The following TDRD9 variants were observed in gnomAD, a reference collection of about 807,000 sequenced individuals.
TDRD9 encodes the protein ATP-dependent RNA helicase TDRD9.
Under a neutral mutation model 172.6 loss-of-function variants are expected in TDRD9, and 124 were observed. The ratio of observed to expected loss-of-function variants is 0.72; its 90% CI spans 0.62 to 0.83. TDRD9 has a LOEUF of 0.83. Ranked by LOEUF, TDRD9 falls within the 40% of genes least tolerant of loss-of-function variation. The probability of loss-of-function intolerance (pLI) is 0.00; values close to 1 mark genes in which losing one functional copy is unlikely to be tolerated. For synonymous variants in TDRD9, 619 were observed against 617.1 expected (o/e 1.00, Z -0.05); for missense variants, 1,479 against 1,714.1 (o/e 0.86, Z 2.42).
rs1595883414 is a variant in TDRD9, at chr14:103,928,500, G to A, written c.-10G>A. ...GGCAGTTGGGGGATGCCGACGCCTG[G>A]GCCTTGAGGATGCTGCGGAAGCTCA... On this transcript the variant is annotated 5_prime_UTR_variant, in exon 1 of 36. Coordinates refer to ENST00000409874, the MANE Select transcript of TDRD9 (RefSeq NM_153046.3). 1 of 1,429,236 alleles carries A rather than the reference G, an allele frequency of 7.0e-7. No homozygotes were observed. The highest frequency in any genetic ancestry group is 2.7e-5 in the Admixed American group (1 of 37,232). 88.5% of individuals were successfully genotyped at this position (1,429,236 alleles called of 1,614,324 possible).
At chr14:103,976,433 C>A (rs930508092) in intron 7 of TDRD9, among the ~76,000 whole-genome samples, 4 of 152,108 alleles carry the variant, frequency 2.6e-5, no homozygotes, top group African/African-American at 9.7e-5. Context: ...GCCACCATGC[C>A]TGGCTAATTT....
At position 104,034,183 on chromosome 14, in the gene TDRD9, CTTTTTTTTTCTTTTT is replaced by C. The variant is rs1467741997; in HGVS notation, c.3619+124_3619+138del. On this transcript the variant is annotated intron_variant, in intron 31 of 35. Coordinates refer to ENST00000409874, the MANE Select transcript of TDRD9 (RefSeq NM_153046.3). Reference sequence around the variant, plus strand: ...GAACAAGTCTACACTATGTACTATTCTTTTTTTTTCTTTTTTTTTTTTTTTGAGACAGAGTCTTGC... The same window carrying C: ...GAACAAGTCTACACTATGTACTATTCTTTTTTTTTTGAGACAGAGTCTTGC... 82 of 218,054 alleles carry C rather than the reference CTTTTTTTTTCTTTTT, an allele frequency of 3.8e-4. 2 individuals carry two copies. Among genetic ancestry groups the C allele is most frequent in the Non-Finnish European group, 3.9e-4 (48 of 123,280 alleles). 13.5% of individuals were successfully genotyped at this position (218,054 alleles called of 1,614,324 possible).
At chr14:103,975,643 C>T (rs372810470) in intron 7 of TDRD9, 90 bp downstream of exon 7, 632 of 1,281,060 alleles carry the variant, frequency 4.9e-4, no homozygotes, top group Non-Finnish European at 5.6e-4. Flanking sequence ...TAAGGCCCTG[C>T]GAGAAAATTA....
chr14:103,932,626 A>AT (rs2152113648), intron 1 of TDRD9, among the ~76,000 whole-genome samples: 1 of 151,616 alleles, frequency 6.6e-6, no homozygotes, highest in East Asian at 2.0e-4. Context: ...TGGCCTCGTG[A>AT]TCTGCCTGCC....
intron 14 of TDRD9, 89 bp from the exon 15 acceptor site, chr14:104,005,185 C>T: frequency 7.2e-7 from 1 of 1,393,328 alleles, no homozygotes; most frequent in Non-Finnish European, 1.0e-6. Flanking sequence ...CTTCTCTCCT[C>T]CTCTTTCCCT....
rs577087391 is a variant in TDRD9 at position 103,950,145 on chromosome 14, C to G, written c.216-5519C>G. On this transcript the variant is annotated intron_variant, in intron 1 of 35. Coordinates refer to ENST00000409874, the MANE Select transcript of TDRD9 (RefSeq NM_153046.3). ...GCTCTTGTTGCCCAGGCTGGAGTGC[C>G]GTGGCGCAATCTCAGCTCACCGCAA... is the stretch of plus-strand genomic sequence containing the variant. Among the ~76,000 whole-genome samples the G allele has an allele frequency of 5.5e-4, 76 of 139,214 alleles. 1 individual carries two copies. In the South Asian group the frequency reaches 0.017, roughly 30 times the overall value. 91.3% of individuals were successfully genotyped at this position (139,214 alleles called of 152,430 possible).
rs2033976428 is a variant in TDRD9 at position 103,994,255 on chromosome 14, C to T, written c.1181-77C>T. 4 of 1,254,264 alleles carry T rather than the reference C, an allele frequency of 3.2e-6. No individual in the cohort carries two copies. The Admixed American group carries it at 5.3e-5, about 17-fold the overall frequency. 77.7% of individuals were successfully genotyped at this position (1,254,264 alleles called of 1,614,324 possible). A position where few individuals can be genotyped will look rare whatever the true frequency, so the allele number is the denominator to read the frequency against. On this transcript the variant is annotated intron_variant, in intron 9 of 35. Coordinates refer to ENST00000409874, the MANE Select transcript of TDRD9 (RefSeq NM_153046.3). The stretch of plus-strand genomic sequence containing the variant: ...GTAGGGCCTTCTTTGAAAGATATGC[C>T]ATTTTAATTTAAAGGTTGGTTTCTA...
At chr14:104,043,903 T>A (rs1421755130) in intron 34 of TDRD9, among the ~76,000 whole-genome samples, 1 of 152,174 alleles carries the variant, frequency 6.6e-6, no homozygotes. Flanking sequence ...AGAACAGGCC[T>A]TGGGCCTGAA....
chr14:104,006,173 A>G (rs533036581), intron 15 of TDRD9, among the ~76,000 whole-genome samples: 1 of 152,290 alleles, frequency 6.6e-6, no homozygotes, highest in South Asian at 2.1e-4. Flanking sequence ...GTTACCTCCC[A>G]GGATCATACT....
At chr14:103,931,338 G>T (rs1206405283) in intron 1 of TDRD9, among the ~76,000 whole-genome samples, 2 of 151,592 alleles carry the variant, frequency 1.3e-5, no homozygotes, top group African/African-American at 2.4e-5. Flanking sequence ...AAATTACTTT[G>T]TGAAATTGAT....
At chr14:103,935,739 G>A (rs1415213749) in intron 1 of TDRD9, among the ~76,000 whole-genome samples, 1 of 151,756 alleles carries the variant, frequency 6.6e-6, no homozygotes, top group Non-Finnish European at 1.5e-5. Flanking sequence ...CTGAGAACAA[G>A]TGGTCAGAGG....
intron 5 of TDRD9, among the ~76,000 whole-genome samples, chr14:103,968,899 G>C (rs1356997127): frequency 6.7e-6 from 1 of 149,416 alleles, no homozygotes; most frequent in South Asian, 2.1e-4. Flanking sequence ...AGGAGATTGA[G>C]ACCATCTTGG....
At position 104,018,137 on chromosome 14, in the gene TDRD9, C is replaced by CG. The variant is rs2034847625; in HGVS notation, c.2377_2378insG (p.Gln793ArgfsTer5). 2 of 1,608,912 alleles carry CG rather than the reference C, an allele frequency of 1.2e-6. No homozygotes were observed. The highest frequency in any genetic ancestry group is 1.7e-6 in the Non-Finnish European group (2 of 1,176,694). On this transcript the variant is annotated frameshift_variant, in exon 23 of 36. Coordinates refer to ENST00000409874, the MANE Select transcript of TDRD9 (RefSeq NM_153046.3). LOFTEE classifies it high-confidence loss of function. Reference sequence around the variant, plus strand: ...TGGATTTCTTTACTATAAACAACTACAGTCTCTCTTTAGACAGTGTGGTCA... The same window carrying CG: ...TGGATTTCTTTACTATAAACAACTACGAGTCTCTCTTTAGACAGTGTGGTCA...
At chr14:104,007,070 T>A in intron 18 of TDRD9, 90 bp from the exon 19 acceptor site, 1 of 1,280,714 alleles carries the variant, frequency 7.8e-7, no homozygotes, top group East Asian at 2.5e-5. Flanking sequence ...AATTTTTATG[T>A]TGTAAATTTT....
chr14:103,966,745 C>G lies in TDRD9; in HGVS notation c.679C>G (p.Leu227Val). ...GAAAATAGCAACAGAGGACACCAGG[C>G]TAATTTATATGACAACTGGAGTCCT... ...LEKIATEDTR[L>V]IYMTTGVLLQ... The change falls in exon 5 of 36, where the codon CTA becomes GTA. Residue 227 changes from leucine (L) to valine (V), a missense_variant. Leu to Val is a conservative substitution (Grantham distance 32, BLOSUM62 1). Transcript: ENST00000409874. 1 of 1,550,264 alleles carries G rather than the reference C, an allele frequency of 6.5e-7. No individual in the cohort carries two copies. Among genetic ancestry groups the G allele is most frequent in the South Asian group, 1.2e-5 (1 of 83,894 alleles).
intron 1 of TDRD9, among the ~76,000 whole-genome samples, chr14:103,950,908 A>C (rs1270131661): frequency 6.6e-6 from 1 of 152,224 alleles, no homozygotes; most frequent in Non-Finnish European, 1.5e-5. Context: ...ATATTTCTCC[A>C]AGGACATCTG....
At chr14:104,047,437 T>C (rs1325969300) in intron 34 of TDRD9, among the ~76,000 whole-genome samples, 1 of 152,208 alleles carries the variant, frequency 6.6e-6, no homozygotes. Flanking sequence ...CTAGTAATGC[T>C]TCTTGTTTTA....
At chr14:104,007,800 C>T (rs1595979632) in intron 19 of TDRD9, among the ~76,000 whole-genome samples, 4 of 150,594 alleles carry the variant, frequency 2.7e-5, no homozygotes, top group Admixed American at 1.3e-4. Context: ...TTTTTTGAGA[C>T]GGAGTCTCGG....
chr14:104,052,131 C>A lies in TDRD9; in HGVS notation c.*49C>A. ...CACACCCCTCAGGAAGCTGTGGAGG[C>A]TGGATTCCAGGCTCCCTCCGCAGAC... On this transcript the variant is annotated 3_prime_UTR_variant, in exon 36 of 36. Transcript: ENST00000409874. The A allele has an allele frequency of 2.2e-6, 3 of 1,381,818 alleles. No individual in the cohort carries two copies. Among genetic ancestry groups the A allele is most frequent in the South Asian group, 1.3e-5 (1 of 79,646 alleles). The allele number at this position is 1,381,818 out of a possible 1,614,324, so 85.6% of individuals were successfully genotyped here.
Sources: gnomAD v4.1 joint callset for allele counts (sites outside exome capture counted in the v4.1 genomes callset) on GRCh38, gnomAD v4.1.1 for gene constraint, MANE v1.5 for transcripts, NCBI Gene and HGNC (gene_info 2026-07-23, HGNC 2026-07-21) for gene names.